Variants in ELAVL4 observed in about 807,000 individuals in gnomAD.
ELAVL4 encodes the protein ELAV like RNA binding protein 4.
Under a neutral mutation model 35.6 loss-of-function variants are expected in ELAVL4, and 1 was observed. The ratio of observed to expected loss-of-function variants is 0.03; its 90% confidence interval spans 0.01 to 0.13. The LOEUF (loss-of-function observed/expected upper bound fraction) is 0.13, where lower values mean the gene tolerates loss of function less well. Ranked by LOEUF, ELAVL4 falls within the 10% of genes least tolerant of loss-of-function variation. The pLI is 1.00. For synonymous variants in ELAVL4, 156 were observed against 171.0 expected, an observed-to-expected ratio of 0.91 and a Z score of 0.69; for missense variants, 267 against 464.9, an observed-to-expected ratio of 0.57 and a Z score of 3.91.
At chr1:50,152,890 A>G (rs1297393117) in intron 2 of ELAVL4, among the ~76,000 whole-genome samples, 2 of 152,202 alleles carry the variant, frequency 1.3e-5, no homozygotes, top group African/African-American at 2.4e-5. Context: ...AACATTTTCA[A>G]TCAACCAACA....
chr1:50,154,908 T>A (rs4481898), intron 2 of ELAVL4, among the ~76,000 whole-genome samples: 2,888 of 152,184 alleles, frequency 0.019, 97 homozygotes, highest in African/African-American at 0.065. Context: ...TCAATTTTTT[T>A]AAAAAACAGA....
At chr1:50,138,662 C>T (rs1032144752) in intron 1 of ELAVL4, among the ~76,000 whole-genome samples, 11 of 152,062 alleles carry the variant, frequency 7.2e-5, no homozygotes, top group African/African-American at 2.7e-4. Flanking sequence ...GGTGGGGTTT[C>T]TCCATGTTGG....
chr1:50,170,251 C>T (rs1678751617), intron 2 of ELAVL4, among the ~76,000 whole-genome samples: 1 of 152,182 alleles, frequency 6.6e-6, no homozygotes, highest in African/African-American at 2.4e-5. Context: ...ACTTTTAATC[C>T]TCCTATTAAC....
At chr1:50,070,705 C>A (rs1419146123) in intron 1 of ELAVL4, among the ~76,000 whole-genome samples, 1 of 141,044 alleles carries the variant, frequency 7.1e-6, no homozygotes, top group Non-Finnish European at 1.5e-5. Context: ...CGTGCCACTG[C>A]ACTCCAGCCT....
chr1:50,157,717 A>G lies in ELAVL4; in HGVS notation c.250+12520A>G, dbSNP rs567119535. On this transcript the variant is annotated intron_variant, in intron 2 of 6. Coordinates refer to ENST00000371824, the MANE Select transcript of ELAVL4 (RefSeq NM_001144774.3). The stretch of plus-strand genomic sequence containing the variant: ...GCTGTTTGTGAAAATAGCGGCTGTG[A>G]GTCATCATTCAGAATGAACTAACAT... Among the ~76,000 whole-genome samples the G allele has an allele frequency of 7.9e-5, 12 of 152,344 alleles. No homozygotes were observed. In the South Asian group the frequency reaches 2.5e-3, roughly 32 times the overall value.
At position 50,061,567 on chromosome 1, in the gene ELAVL4, G is replaced by A. The variant is rs71651135; in HGVS notation, c.18+13385G>A. 4.3e-3 allele frequency among the ~76,000 whole-genome samples: 662 copies of A among 152,278 alleles called. No individual in the cohort carries two copies. In the Middle Eastern group the frequency reaches 0.044, roughly 10 times the overall value. Reference sequence around the variant, plus strand: ...TAATGGAAACCTCACAACCCCATCAGGTAGTGTGGCCCTCATGGAGGTGCA... The same window carrying A: ...TAATGGAAACCTCACAACCCCATCAAGTAGTGTGGCCCTCATGGAGGTGCA... On this transcript the variant is annotated intron_variant, in intron 1 of 6. Transcript: ENST00000448907.
intron 1 of ELAVL4, among the ~76,000 whole-genome samples, chr1:50,089,118 A>G (rs1269387020): frequency 2.6e-5 from 4 of 152,204 alleles, no homozygotes; most frequent in Non-Finnish European, 5.9e-5. Flanking sequence ...ACTGCCAGTC[A>G]CTAGGATAAA....
chr1:50,198,341 G>A (rs1644184803), intron 6 of ELAVL4, among the ~76,000 whole-genome samples: 1 of 152,174 alleles, frequency 6.6e-6, no homozygotes, highest in East Asian at 1.9e-4. Flanking sequence ...GGGACATAGT[G>A]TCTTCATCAT....
At chr1:50,175,845 T>C (rs1239801556) in intron 2 of ELAVL4, 1 of 152,200 alleles carries the variant, frequency 6.6e-6, no homozygotes, top group African/African-American at 2.4e-5. Context: ...TGGCAGGCTT[T>C]TTGCTGTATT....
At chr1:50,166,996 A>G (rs903661562) in intron 2 of ELAVL4, among the ~76,000 whole-genome samples, 4 of 152,174 alleles carry the variant, frequency 2.6e-5, no homozygotes, top group South Asian at 2.1e-4. Flanking sequence ...AACAGGAACA[A>G]AAATTTTGCT....
intron 1 of ELAVL4, among the ~76,000 whole-genome samples, chr1:50,072,158 C>A (rs1664559356): frequency 6.6e-6 from 1 of 152,108 alleles, no homozygotes; most frequent in African/African-American, 2.4e-5. Context: ...GAGTAAGAAT[C>A]TAGACTCTAG....
chr1:50,079,205 G>A (rs1469578013), intron 1 of ELAVL4, among the ~76,000 whole-genome samples: 1 of 152,148 alleles, frequency 6.6e-6, no homozygotes, highest in Non-Finnish European at 1.5e-5. Flanking sequence ...AGAGCTACAG[G>A]TGTGTGCCAC....
chr1:50,176,450 G>A (rs184350321), intron 2 of ELAVL4, among the ~76,000 whole-genome samples: 4 of 152,152 alleles, frequency 2.6e-5, no homozygotes, highest in Admixed American at 2.6e-4. Flanking sequence ...CTGAATGTGG[G>A]TGTGGCTGGC....
At chr1:50,184,669 T>C (rs1462048756) in intron 3 of ELAVL4, among the ~76,000 whole-genome samples, 1 of 152,210 alleles carries the variant, frequency 6.6e-6, no homozygotes, top group Admixed American at 6.5e-5. Context: ...GAGGCATTAG[T>C]TTGATCCTAT....
intron 1 of ELAVL4, among the ~76,000 whole-genome samples, chr1:50,062,322 A>C (rs927526996): frequency 1.3e-5 from 2 of 151,996 alleles, no homozygotes; most frequent in Middle Eastern, 6.8e-3. Context: ...AATTTGTGTC[A>C]TTTCTCACTT....
chr1:50,106,198 T>C, upstream of ELAVL4: 1 of 899,108 alleles, frequency 1.1e-6, no homozygotes, highest in Non-Finnish European at 1.7e-6. Flanking sequence ...CTGCGCGGAG[T>C]AGGTAGTTAT....
At chr1:50,053,866 C>T (rs115938360) in intron 1 of ELAVL4, among the ~76,000 whole-genome samples, 158 of 152,236 alleles carry the variant, frequency 1.0e-3, no homozygotes, top group Non-Finnish European at 1.9e-3. Context: ...GATAAGGATT[C>T]CAGTGGAGGA....
intron 1 of ELAVL4, among the ~76,000 whole-genome samples, chr1:50,073,254 C>T (rs1263539149): frequency 6.6e-6 from 1 of 151,872 alleles, no homozygotes; most frequent in East Asian, 1.9e-4. Flanking sequence ...AAGCTGAGGG[C>T]CCTCAACTTC....
chr1:50,183,630 CA>C (rs1219200615), intron 3 of ELAVL4, among the ~76,000 whole-genome samples: 2 of 152,162 alleles, frequency 1.3e-5, no homozygotes, highest in African/African-American at 2.4e-5. Flanking sequence ...GGGGTCTTTC[CA>C]CACTTGAGCT....
Sources: allele counts gnomAD v4.1 joint callset (sites outside exome capture counted in the v4.1 genomes callset), GRCh38; gene constraint gnomAD v4.1.1; transcripts MANE v1.5; gene names NCBI Gene and HGNC (gene_info 2026-07-23, HGNC 2026-07-21).